The following SPAG17 variants were observed in gnomAD, a reference collection of about 807,000 sequenced individuals.
SPAG17 encodes sperm associated antigen 17, also known as sperm-associated antigen 17.
SPAG17 carries 169 observed loss-of-function variants against 273.6 expected under a neutral mutation model. That is an observed-to-expected ratio of 0.62 (90% CI 0.55 to 0.70). SPAG17 has a LOEUF of 0.70. Ranked by LOEUF, SPAG17 falls within the 30% of genes least tolerant of loss-of-function variation. The pLI is 0.00. For missense variants in SPAG17, 2,557 were observed against 2,627.8 expected, an observed-to-expected ratio of 0.97 and a Z score of 0.59; for synonymous variants, 825 against 873.2, an observed-to-expected ratio of 0.94 and a Z score of 0.97.
intron 1 of SPAG17, among the ~76,000 whole-genome samples, chr1:118,176,771 A>G (rs946320311): frequency 1.2e-4 from 19 of 152,214 alleles, no homozygotes; most frequent in African/African-American, 4.6e-4. Context: ...AGCACACAGA[A>G]CACTTTCCAG....
At chr1:118,054,252 A>G (rs1224445880) in intron 19 of SPAG17, among the ~76,000 whole-genome samples, 159 bp from the exon 20 acceptor site, 1 of 152,072 alleles carries the variant, frequency 6.6e-6, no homozygotes, top group Admixed American at 6.5e-5. Flanking sequence ...TGAACATCTG[A>G]AATGGGACTG....
At chr1:118,008,230 T>C (rs954093744) in intron 30 of SPAG17, 32 bp from the exon 31 acceptor site, 7 of 1,611,230 alleles carry the variant, frequency 4.3e-6, no homozygotes, top group Non-Finnish European at 5.9e-6. Context: ...GCAGATCTGA[T>C]AGGATGTAGA....
intron 24 of SPAG17, among the ~76,000 whole-genome samples, chr1:118,032,932 T>A (rs1184581217): frequency 6.6e-6 from 1 of 152,116 alleles, no homozygotes; most frequent in East Asian, 1.9e-4. Flanking sequence ...TTTATTATGT[T>A]CTCAATCCTC....
chr1:118,091,658 A>G lies in SPAG17; in HGVS notation c.1307T>C (p.Ile436Thr), dbSNP rs1655380752. ...MRYYNYLLNP[I>T]REEFISVPLI... ...GGGCACAGAAATGAATTCCTCTCGA[A>G]TTGGATTCAGCAAATAATTGTAATA... The change falls in exon 10 of 49, where the codon ATT becomes ACT. Residue 436 changes from isoleucine (I) to threonine (T), a missense_variant. Transcript: ENST00000336338. 2 of 1,613,148 alleles carry G rather than the reference A, an allele frequency of 1.2e-6. No individual in the cohort carries two copies. Among genetic ancestry groups the G allele is most frequent in the African/African-American group, 2.7e-5 (2 of 75,026 alleles).
chr1:117,957,041 T>C (rs1652303300), intron 48 of SPAG17: 2 of 1,534,396 alleles, frequency 1.3e-6, no homozygotes, highest in Non-Finnish European at 1.7e-6. Context: ...AAATGTGGCA[T>C]TTTTATATTT....
At position 118,085,926 on chromosome 1, in the gene SPAG17, C is replaced by T. The variant is rs1452463715; in HGVS notation, c.1758G>A (p.Thr586=). ...AAGACAAAGCAATGGACTCACCACTCGTACAAAAGTGCATAAGCTCATGAA... is the reference window on the plus strand; with the variant it reads ...AAGACAAAGCAATGGACTCACCACTTGTACAAAAGTGCATAAGCTCATGAA... ...ATIHELMHFC[T]SDVLSWNEVE... The change falls in exon 13 of 49, where the codon ACG becomes ACA. Residue 586 remains threonine, a synonymous_variant. Transcript: ENST00000336338. 3.7e-6 allele frequency: 6 copies of T among 1,600,690 alleles called. No homozygotes were observed. Among genetic ancestry groups the T allele is most frequent in the Admixed American group, 1.8e-5 (1 of 56,842 alleles).
intron 3 of SPAG17, among the ~76,000 whole-genome samples, chr1:118,123,460 T>C (rs1383000534): frequency 1.3e-5 from 2 of 152,188 alleles, no homozygotes; most frequent in African/African-American, 4.8e-5. Context: ...TAAGCAATAT[T>C]AAACTGTCTA....
intron 18 of SPAG17, among the ~76,000 whole-genome samples, chr1:118,063,977 A>G (rs2102045769): frequency 6.6e-6 from 1 of 152,364 alleles, no homozygotes; most frequent in East Asian, 1.9e-4. Context: ...CAAAAAACAC[A>G]TGAAAAAATA....
rs530875487 is a variant in SPAG17 at position 118,078,877 on chromosome 1, G to A, written c.2209+2224C>T. Among the ~76,000 whole-genome samples the A allele has an allele frequency of 4.6e-5, 7 of 152,030 alleles. No homozygotes were observed. In the East Asian group the frequency reaches 1.4e-3, roughly 29 times the overall value. ...ATTGATGTTATATTGATTTTACAAT[G>A]TATATATTTTCCTTCTATCCCTGTT... On this transcript the variant is annotated intron_variant, in intron 15 of 48. Transcript: ENST00000336338.
chr1:117,998,976 C>A (rs900741739), intron 32 of SPAG17, among the ~76,000 whole-genome samples: 1 of 151,130 alleles, frequency 6.6e-6, no homozygotes, highest in African/African-American at 2.4e-5. Flanking sequence ...TGCTATCCAT[C>A]CCCCAGCCTC....
intron 37 of SPAG17, 31 bp downstream of exon 37, chr1:117,991,384 A>G: frequency 1.6e-6 from 2 of 1,273,290 alleles, no homozygotes; most frequent in Non-Finnish European, 2.2e-6. Flanking sequence ...AAACAATAGT[A>G]AGAACATGGG....
Position 118,185,172 on chromosome 1 carries a change from A to G in SPAG17, c.-15T>C. The G allele has an allele frequency of 6.2e-7, 1 of 1,607,116 alleles. No homozygotes were observed. The highest frequency in any genetic ancestry group is 8.5e-7 in the Non-Finnish European group (1 of 1,173,690). ...TTGGGTGCCATGCAAAGGACGGGAG[A>G]AGCATTGGCCTCTAAACTGGGCGCA... On this transcript the variant is annotated 5_prime_UTR_variant, in exon 1 of 49. Coordinates refer to ENST00000336338, the MANE Select transcript of SPAG17 (RefSeq NM_206996.4).
chr1:118,138,828 A>G (rs1018962386), intron 3 of SPAG17, among the ~76,000 whole-genome samples: 1 of 152,208 alleles, frequency 6.6e-6, no homozygotes, highest in African/African-American at 2.4e-5. Flanking sequence ...CTTACTATGT[A>G]TCAGCACTGA....
At chr1:117,972,626 T>A (rs1349173472) in intron 44 of SPAG17, among the ~76,000 whole-genome samples, 1 of 152,198 alleles carries the variant, frequency 6.6e-6, no homozygotes, top group African/African-American at 2.4e-5. Flanking sequence ...CCAGATCTAG[T>A]GAGTCAGAAT....
At chr1:117,997,983 A>G (rs778793494) in intron 32 of SPAG17, among the ~76,000 whole-genome samples, 1 of 152,114 alleles carries the variant, frequency 6.6e-6, no homozygotes, top group Non-Finnish European at 1.5e-5. Context: ...ATTTTCTCCC[A>G]TTCTGTAGGT....
chr1:118,093,023 CT>C, intron 8 of SPAG17, 132 bp downstream of exon 8: 1 of 947,114 alleles, frequency 1.1e-6, no homozygotes, highest in Non-Finnish European at 1.5e-6. Context: ...ATGTAGCTAT[CT>C]TTTATGCCAG....
chr1:118,025,195 C>T, intron 27 of SPAG17, 43 bp downstream of exon 27: 1 of 1,596,858 alleles, frequency 6.3e-7, no homozygotes, highest in Non-Finnish European at 8.6e-7. Context: ...TTGTCTTTTA[C>T]TTTGGAACAG....
intron 45 of SPAG17, 112 bp downstream of exon 45, chr1:117,971,751 C>T: frequency 1.3e-6 from 1 of 787,706 alleles, no homozygotes; most frequent in Non-Finnish European, 2.0e-6. Context: ...TGTGAAGATT[C>T]AAGGAGTAAT....
intron 34 of SPAG17, among the ~76,000 whole-genome samples, chr1:117,995,208 G>A (rs1657521922): frequency 6.6e-6 from 1 of 152,068 alleles, no homozygotes; most frequent in Admixed American, 6.6e-5. Flanking sequence ...TGGCTCAGGT[G>A]TCTTCAGGGA....
Sources: allele counts gnomAD v4.1 joint callset (sites outside exome capture counted in the v4.1 genomes callset), GRCh38; gene constraint gnomAD v4.1.1; transcripts MANE v1.5; gene names NCBI Gene and HGNC (gene_info 2026-07-23, HGNC 2026-07-21).